Variants in WDR72 observed in about 807,000 individuals in gnomAD.
WDR72 encodes WD repeat-containing protein 72.
A neutral mutation model predicts 124.2 loss-of-function variants in WDR72; 120 were observed. The ratio of observed to expected loss-of-function variants is 0.97; its 90% CI spans 0.83 to 1.12. The LOEUF is 1.12. WDR72 is among the 50% of genes most tolerant of loss of function. The probability of loss-of-function intolerance (pLI) is 0.00; values close to 1 mark genes in which losing one functional copy is unlikely to be tolerated. For missense variants in WDR72, 1,387 were observed against 1,278.8 expected (o/e 1.08, Z -1.29); for synonymous variants, 452 against 441.7 (o/e 1.02, Z -0.29).
intron 18 of WDR72, among the ~76,000 whole-genome samples, chr15:53,558,781 C>T (rs1483190907): frequency 2.6e-5 from 4 of 152,012 alleles, no homozygotes; most frequent in African/African-American, 9.7e-5. Context: ...ATGACTGAGG[C>T]TGGCCTATTC....
chr15:53,690,436 C>T (rs2016801280), intron 13 of WDR72, among the ~76,000 whole-genome samples: 1 of 152,178 alleles, frequency 6.6e-6, no homozygotes, highest in South Asian at 2.1e-4. Flanking sequence ...TCCCCATTCT[C>T]CACCCTCCCA....
intron 18 of WDR72, among the ~76,000 whole-genome samples, chr15:53,571,534 T>G (rs1376231159): frequency 1.3e-5 from 2 of 152,166 alleles, no homozygotes; most frequent in Admixed American, 6.6e-5. Context: ...TTGATGTTGT[T>G]GCAAATACTA....
intron 1 of WDR72, among the ~76,000 whole-genome samples, chr15:53,736,624 G>T (rs1309733851): frequency 6.6e-6 from 1 of 152,138 alleles, no homozygotes; most frequent in African/African-American, 2.4e-5. Flanking sequence ...GCACACTGAG[G>T]GGTGTTGAGC....
intron 14 of WDR72, among the ~76,000 whole-genome samples, chr15:53,620,306 T>C (rs1170328070): frequency 2.0e-5 from 3 of 152,048 alleles, no homozygotes; most frequent in African/African-American, 7.2e-5. Flanking sequence ...AAAATTCATA[T>C]ATATTGTCAA....
intron 13 of WDR72, among the ~76,000 whole-genome samples, chr15:53,670,007 A>G (rs1294782567): frequency 6.6e-6 from 1 of 152,318 alleles, no homozygotes; most frequent in Admixed American, 6.5e-5. Flanking sequence ...GAACATGACA[A>G]GGAAAGGTGC....
intron 1 of WDR72, among the ~76,000 whole-genome samples, chr15:53,758,379 A>G (rs2018970084): frequency 6.6e-6 from 1 of 152,184 alleles, no homozygotes; most frequent in African/African-American, 2.4e-5. Context: ...GGAACTCAAT[A>G]TAAAATATTA....
chr15:53,522,800 T>C (rs555019234), intron 19 of WDR72, among the ~76,000 whole-genome samples: 3 of 152,192 alleles, frequency 2.0e-5, no homozygotes, highest in Middle Eastern at 3.4e-3. Flanking sequence ...TGTTTGTTTC[T>C]AGAAAGGTAA....
intron 1 of WDR72, among the ~76,000 whole-genome samples, chr15:53,738,842 G>C (rs1339854776): frequency 6.6e-6 from 1 of 152,126 alleles, no homozygotes; most frequent in Non-Finnish European, 1.5e-5. Flanking sequence ...CCTGACCTCA[G>C]GTGATCTGCC....
chr15:53,756,955 T>C (rs780711944), intron 1 of WDR72: 1 of 152,216 alleles, frequency 6.6e-6, no homozygotes, highest in African/African-American at 2.4e-5. Context: ...GGAATCAGTG[T>C]TCCCCTACAG....
At chr15:53,549,564 T>C (rs1893639267) in intron 18 of WDR72, among the ~76,000 whole-genome samples, 1 of 152,186 alleles carries the variant, frequency 6.6e-6, no homozygotes, top group South Asian at 2.1e-4. Context: ...GCTAAGGCTG[T>C]AAAAATGGAC....
At chr15:53,626,412 C>T (rs1329461671) in intron 14 of WDR72, among the ~76,000 whole-genome samples, 1 of 152,178 alleles carries the variant, frequency 6.6e-6, no homozygotes, top group Non-Finnish European at 1.5e-5. Flanking sequence ...AGGAGCACAG[C>T]GGACACCCTG....
At position 53,637,844 on chromosome 15, in the gene WDR72, C is replaced by A. The variant is rs200548127; in HGVS notation, c.1963-21601G>T. ...TAGGCATTCACAGAAACTGTTCATG[C>A]GTGAAAGTGTGAGTGAGACTCCTTC... On this transcript the variant is annotated intron_variant, in intron 14 of 19. Transcript: ENST00000360509. Among the ~76,000 whole-genome samples the A allele has an allele frequency of 3.9e-5, 6 of 152,152 alleles. No homozygotes were observed. The South Asian group carries it at 6.2e-4, about 16-fold the overall frequency.
chr15:53,728,215 A>C (rs1253621712), intron 2 of WDR72, among the ~76,000 whole-genome samples: 1 of 152,226 alleles, frequency 6.6e-6, no homozygotes, highest in Non-Finnish European at 1.5e-5. Context: ...CAGCAGGCAA[A>C]GAGAGATATT....
chr15:53,602,581 G>C (rs2013092927), intron 17 of WDR72, among the ~76,000 whole-genome samples: 1 of 151,760 alleles, frequency 6.6e-6, no homozygotes, highest in African/African-American at 2.4e-5. Context: ...AAATAAAATA[G>C]ATCACTCACT....
In WDR72 at chr15:53,609,548, T is replaced by C. The variant is rs372328610; in HGVS notation, c.2917A>G (p.Lys973Glu). Residue 973 changes from lysine (K) to glutamate (E), a missense_variant, in exon 17 of 20, where the codon AAG (lysine) becomes GAG (glutamate). Physicochemically the swap from Lys to Glu is moderately conservative, Grantham distance 56 (BLOSUM62 1). Coordinates refer to ENST00000360509, the MANE Select transcript of WDR72 (RefSeq NM_182758.4). ...TGGTCTCTCCAACAGGAAATTAGCT[T>C]CAAAAGTGAAAGGTCAGCCTCAGGT... is the stretch of plus-strand genomic sequence containing the variant. ...HVPEADLSLL[K>E]LISCWRDQSV... The C allele has an allele frequency of 9.9e-6, 16 of 1,613,532 alleles. No individual in the cohort carries two copies. The African/African-American group carries it at 2.1e-4, about 22-fold the overall frequency.
chr15:53,584,121 T>C (rs2012077245), intron 18 of WDR72, among the ~76,000 whole-genome samples: 1 of 151,980 alleles, frequency 6.6e-6, no homozygotes, highest in Admixed American at 6.6e-5. Flanking sequence ...AAATTGACAA[T>C]GAAACCCAAA....
intron 14 of WDR72, among the ~76,000 whole-genome samples, chr15:53,618,383 T>A (rs2013854017): frequency 6.6e-6 from 1 of 152,058 alleles, no homozygotes; most frequent in Non-Finnish European, 1.5e-5. Flanking sequence ...TACTTGCCTA[T>A]CAGTTATTTA....
upstream of WDR72, among the ~76,000 whole-genome samples, chr15:53,760,297 C>T (rs1034654725): frequency 2.0e-5 from 3 of 151,906 alleles, no homozygotes; most frequent in African/African-American, 4.8e-5. Context: ...TACCCATTTA[C>T]CATTTCCACC....
intron 18 of WDR72, among the ~76,000 whole-genome samples, chr15:53,576,093 G>A (rs1894744808): frequency 6.6e-6 from 1 of 152,026 alleles, no homozygotes; most frequent in Non-Finnish European, 1.5e-5. Flanking sequence ...CCAACTTTAA[G>A]CCTGCTCCAT....
Sources: gnomAD v4.1 joint callset for allele counts (sites outside exome capture counted in the v4.1 genomes callset) on GRCh38, gnomAD v4.1.1 for gene constraint, MANE v1.5 for transcripts, NCBI Gene and HGNC (gene_info 2026-07-23, HGNC 2026-07-21) for gene names.